The following NIPSNAP3B variants were observed in gnomAD, a reference collection of about 807,000 sequenced individuals.
The protein encoded by NIPSNAP3B is nipsnap homolog 3B.
NIPSNAP3B carries 30 observed loss-of-function variants against 31.5 expected under a neutral mutation model. The observed-to-expected ratio is 0.95, with a 90% CI of 0.71 to 1.29. The LOEUF is 1.29. Among genes scored for constraint, NIPSNAP3B ranks in the 50% most tolerant of loss-of-function variants. The probability of loss-of-function intolerance (pLI) is 0.00; values close to 1 mark genes in which losing one functional copy is unlikely to be tolerated. For missense variants in NIPSNAP3B, 269 were observed against 300.7 expected (o/e 0.89, Z 0.78); for synonymous variants, 106 against 107.9 (o/e 0.98, Z 0.11).
At chr9:104,786,764 G>T in the NIPSNAP3B span, 39 of 1,051,082 alleles carry the variant, frequency 3.7e-5, no homozygotes, top group South Asian at 4.9e-4. Flanking sequence ...GGTAATAATT[G>T]TTTTACTCTT....
At chr9:104,770,065 A>G (rs924196987) in intron 3 of NIPSNAP3B, among the ~76,000 whole-genome samples, 11 of 152,284 alleles carry the variant, frequency 7.2e-5, no homozygotes, top group African/African-American at 2.6e-4. Flanking sequence ...TTTGGATTCT[A>G]ATGTACTTAA....
downstream of NIPSNAP3B, chr9:104,782,274 TA>T (rs1169902650): frequency 6.6e-6 from 1 of 152,160 alleles, no homozygotes; most frequent in Non-Finnish European, 1.5e-5. Context: ...TACTTATATT[TA>T]AAATCAATAT....
downstream of NIPSNAP3B, among the ~76,000 whole-genome samples, chr9:104,780,027 TCAAAAA>T (rs771532381): frequency 1.3e-5 from 2 of 152,152 alleles, no homozygotes; most frequent in East Asian, 1.9e-4. Context: ...ATTCTGTTTC[TCAAAAA>T]CAAAAACAAA....
intron 3 of NIPSNAP3B, among the ~76,000 whole-genome samples, chr9:104,770,311 C>A (rs1267106877): frequency 6.6e-6 from 1 of 152,160 alleles, no homozygotes; most frequent in Non-Finnish European, 1.5e-5. Flanking sequence ...AGAATAAAAC[C>A]ATCTCCTTGA....
At chr9:104,783,544 G>C in the NIPSNAP3B span, 1 of 152,166 alleles carries the variant, frequency 6.6e-6, no homozygotes, top group Non-Finnish European at 1.5e-5. Context: ...ATATTTAAGA[G>C]TCTCATAAGG....
intron 1 of NIPSNAP3B, among the ~76,000 whole-genome samples, chr9:104,764,570 C>T (rs753368025): frequency 4.6e-5 from 7 of 152,156 alleles, no homozygotes; most frequent in Non-Finnish European, 8.8e-5. Flanking sequence ...GACGGAGTCT[C>T]GCTCTGTCGC....
chr9:104,788,352 G>T, the NIPSNAP3B span: 2 of 1,600,676 alleles, frequency 1.2e-6, no homozygotes, highest in Non-Finnish European at 1.7e-6. Flanking sequence ...AAGTCAATGC[G>T]TGTGGAAAAG....
chr9:104,767,065 A>ATT (rs35535065), intron 2 of NIPSNAP3B, among the ~76,000 whole-genome samples: 8 of 150,872 alleles, frequency 5.3e-5, no homozygotes, highest in East Asian at 3.9e-4. Flanking sequence ...GGATAAGATA[A>ATT]TTTTTTTTTT....
chr9:104,780,323 A>T (rs965355963), downstream of NIPSNAP3B, among the ~76,000 whole-genome samples: 2 of 152,196 alleles, frequency 1.3e-5, no homozygotes, highest in Non-Finnish European at 2.9e-5. Context: ...TGTCACAGCC[A>T]TTCCTGAGGT....
chr9:104,789,626 T>C, the NIPSNAP3B span, among the ~76,000 whole-genome samples: 1 of 152,190 alleles, frequency 6.6e-6, no homozygotes, highest in African/African-American at 2.4e-5. Context: ...GAATAAGAAA[T>C]AGCAGAGTGC....
intron 2 of NIPSNAP3B, among the ~76,000 whole-genome samples, chr9:104,766,877 A>G (rs561788775): frequency 6.6e-6 from 1 of 152,240 alleles, no homozygotes; most frequent in Admixed American, 6.5e-5. Context: ...TAAATGTTCA[A>G]GTGGGTTAAG....
At chr9:104,767,309 A>G (rs941122097) in intron 2 of NIPSNAP3B, among the ~76,000 whole-genome samples, 1 of 152,146 alleles carries the variant, frequency 6.6e-6, no homozygotes, top group African/African-American at 2.4e-5. Flanking sequence ...AGGAAAAGGA[A>G]TGAGAGACAG....
chr9:104,769,091 A>T (rs1437198638), intron 3 of NIPSNAP3B, 70 bp downstream of exon 3: 1 of 1,127,188 alleles, frequency 8.9e-7, no homozygotes, highest in Non-Finnish European at 1.3e-6. Context: ...TATAAAGAGT[A>T]AAGTTCTATA....
intron 3 of NIPSNAP3B, among the ~76,000 whole-genome samples, 179 bp downstream of exon 3, chr9:104,769,200 T>A (rs1368676090): frequency 1.3e-5 from 2 of 152,152 alleles, no homozygotes; most frequent in African/African-American, 4.8e-5. Context: ...ACGCCTATAA[T>A]CTCAGCACTT....
downstream of NIPSNAP3B, among the ~76,000 whole-genome samples, chr9:104,779,746 G>C (rs1368151155): frequency 6.6e-6 from 1 of 151,942 alleles, no homozygotes; most frequent in Non-Finnish European, 1.5e-5. Flanking sequence ...CTCATGGGTA[G>C]GGCCAGGCAA....
downstream of NIPSNAP3B, among the ~76,000 whole-genome samples, chr9:104,778,568 G>T (rs1470578445): frequency 6.6e-6 from 1 of 152,106 alleles, no homozygotes; most frequent in African/African-American, 2.4e-5. Flanking sequence ...TTGCCCCTGA[G>T]CTTCAGACTG....
the NIPSNAP3B span, among the ~76,000 whole-genome samples, chr9:104,789,786 A>C: frequency 1.3e-5 from 2 of 151,630 alleles, no homozygotes; most frequent in East Asian, 1.9e-4. Flanking sequence ...GCCTTGTACT[A>C]TCTCTCCACA....
At position 104,776,679 on chromosome 9, in the gene NIPSNAP3B, C is replaced by T. The variant is rs373630815; in HGVS notation, c.*3606C>T. ...TGTTACAGCAACCTGAACTAAGACA[C>T]TATCCCTCTCCCCTGCTTTCTTTTT... On this transcript the variant is annotated 3_prime_UTR_variant, in exon 6 of 6. Coordinates refer to ENST00000374762, the MANE Select transcript of NIPSNAP3B (RefSeq NM_018376.4). Among the ~76,000 whole-genome samples the T allele has an allele frequency of 4.5e-4, 69 of 152,328 alleles. No individual in the cohort carries two copies. Among genetic ancestry groups the T allele is most frequent in the African/African-American group, 1.5e-3 (63 of 41,568 alleles).
intron 3 of NIPSNAP3B, 70 bp downstream of exon 3, chr9:104,769,091 A>G: frequency 2.7e-6 from 3 of 1,127,306 alleles, no homozygotes; most frequent in Non-Finnish European, 3.8e-6. Flanking sequence ...TATAAAGAGT[A>G]AAGTTCTATA....
Sources: gnomAD v4.1 joint callset for allele counts (sites outside exome capture counted in the v4.1 genomes callset) on GRCh38, gnomAD v4.1.1 for gene constraint, MANE v1.5 for transcripts, NCBI Gene and HGNC (gene_info 2026-07-23, HGNC 2026-07-21) for gene names.